Variants in UST observed in about 807,000 individuals in gnomAD.
The protein encoded by UST is chondroitin sulfate 2-O-sulfotransferase.
Under a neutral mutation model 45.6 loss-of-function variants are expected in UST, and 21 were observed. The ratio of observed to expected loss-of-function variants is 0.46; its 90% CI spans 0.33 to 0.66. UST has a LOEUF of 0.66. Ranked by LOEUF, UST falls within the 30% of genes least tolerant of loss-of-function variation. The pLI, the probability that UST is intolerant of heterozygous loss-of-function variation, is 0.02. For synonymous variants in UST, 215 were observed against 200.6 expected (o/e 1.07, Z -0.61); for missense variants, 463 against 512.4 (o/e 0.90, Z 0.93).
intron 5 of UST, among the ~76,000 whole-genome samples, chr6:148,985,905 T>G (rs1781230292): frequency 6.6e-6 from 1 of 152,114 alleles, no homozygotes; most frequent in Non-Finnish European, 1.5e-5. Context: ...AGAGATTTAT[T>G]GGGGGAAATG....
At chr6:148,924,669 C>T (rs1239429811) in intron 2 of UST, among the ~76,000 whole-genome samples, 2 of 152,260 alleles carry the variant, frequency 1.3e-5, no homozygotes, top group East Asian at 3.9e-4. Context: ...TCCCCTAGGC[C>T]GTCACATGTG....
chr6:148,965,097 C>A (rs1205401035), intron 5 of UST, among the ~76,000 whole-genome samples: 1 of 152,136 alleles, frequency 6.6e-6, no homozygotes, highest in Non-Finnish European at 1.5e-5. Flanking sequence ...TGGGTTCTTT[C>A]CACCACAGCG....
intron 3 of UST, among the ~76,000 whole-genome samples, chr6:148,945,298 A>G (rs558971353): frequency 4.6e-5 from 7 of 152,334 alleles, no homozygotes; most frequent in African/African-American, 1.2e-4. Flanking sequence ...TGTAATGACT[A>G]TCAGTGGCTC....
chr6:148,903,278 T>C (rs1779294404), intron 2 of UST, among the ~76,000 whole-genome samples: 1 of 152,190 alleles, frequency 6.6e-6, no homozygotes, highest in Non-Finnish European at 1.5e-5. Context: ...TTAATTATCA[T>C]GTCCCCCACA....
chr6:148,975,034 G>T (rs1011703497), intron 5 of UST, among the ~76,000 whole-genome samples: 29 of 152,144 alleles, frequency 1.9e-4, no homozygotes, highest in Non-Finnish European at 2.5e-4. Context: ...CAACTAAAAA[G>T]GAAACTTTGA....
chr6:148,855,625 T>A (rs779470124), intron 1 of UST, among the ~76,000 whole-genome samples: 5 of 152,236 alleles, frequency 3.3e-5, no homozygotes, highest in Admixed American at 6.5e-5. Flanking sequence ...GGGATGAGTT[T>A]CTGGAAGTGG....
intron 7 of UST, among the ~76,000 whole-genome samples, chr6:149,059,340 G>A (rs530867300): frequency 1.4e-4 from 22 of 152,316 alleles, no homozygotes; most frequent in Non-Finnish European, 2.6e-4. Context: ...GGGCCCTTCC[G>A]GTGATTTGTT....
At chr6:149,023,007 T>C (rs1776000137) in intron 7 of UST, among the ~76,000 whole-genome samples, 1 of 152,154 alleles carries the variant, frequency 6.6e-6, no homozygotes, top group South Asian at 2.1e-4. Context: ...ACTCCGTTCT[T>C]TGTGCAAGGA....
intron 5 of UST, among the ~76,000 whole-genome samples, chr6:149,012,530 A>G (rs1366715217): frequency 6.6e-6 from 1 of 152,174 alleles, no homozygotes; most frequent in Non-Finnish European, 1.5e-5. Context: ...GTCCTTTTCC[A>G]TAATATCCAT....
At chr6:148,831,731 G>A (rs888566629) in intron 1 of UST, among the ~76,000 whole-genome samples, 1 of 152,110 alleles carries the variant, frequency 6.6e-6, no homozygotes, top group African/African-American at 2.4e-5. Flanking sequence ...GGAGTTTAAG[G>A]CTGCAGAGAG....
intron 2 of UST, 39 bp downstream of exon 2, chr6:148,887,068 T>G (rs745733903): frequency 6.5e-7 from 1 of 1,536,216 alleles, no homozygotes; most frequent in Non-Finnish European, 9.0e-7. Context: ...CCTTTTTCTT[T>G]TATCTTACTT....
chr6:148,805,630 A>G (rs923131320), intron 1 of UST, among the ~76,000 whole-genome samples: 8 of 152,228 alleles, frequency 5.3e-5, no homozygotes, highest in African/African-American at 1.9e-4. Context: ...AAGGCTATTC[A>G]CATTTGGAGA....
At chr6:148,975,919 G>T (rs577775485) in intron 5 of UST, among the ~76,000 whole-genome samples, 1 of 152,268 alleles carries the variant, frequency 6.6e-6, no homozygotes, top group South Asian at 2.1e-4. Flanking sequence ...AATCACAAAA[G>T]AAATGAATTT....
chr6:148,761,943 A>G (rs1042724657), intron 1 of UST, among the ~76,000 whole-genome samples: 3 of 152,222 alleles, frequency 2.0e-5, no homozygotes, highest in African/African-American at 7.2e-5. Context: ...TGGAGAAACG[A>G]TTCCAGAAAA....
rs374894823 is a variant in UST at position 149,038,128 on chromosome 6, T to C, written c.937+16647T>C. ...GTGGCAATTTGCATTTGGATAGCGC[T>C]TTTACAGTTAGCAAAGTACCTTAGA... On this transcript the variant is annotated intron_variant, in intron 7 of 7. Coordinates refer to ENST00000367463, the MANE Select transcript of UST (RefSeq NM_005715.3). 8.4e-4 allele frequency among the ~76,000 whole-genome samples: 128 copies of C among 152,184 alleles called. 3 individuals are homozygous for C. The South Asian group carries it at 0.026, about 30-fold the overall frequency.
intron 1 of UST, among the ~76,000 whole-genome samples, chr6:148,879,347 G>A (rs576411457): frequency 3.9e-4 from 59 of 152,352 alleles, no homozygotes; most frequent in Non-Finnish European, 7.1e-4. Context: ...AGTGGCCTGA[G>A]ATGAAGATGA....
Position 149,075,978 on chromosome 6 carries a change from T to G in UST, c.*1862T>G, listed in dbSNP as rs1776883494. The G allele has an allele frequency of 6.6e-6, 1 of 152,616 alleles. No homozygotes were observed. Among genetic ancestry groups the G allele is most frequent in the Non-Finnish European group, 1.5e-5 (1 of 68,054 alleles). 9.5% of individuals were successfully genotyped at this position (152,616 alleles called of 1,614,324 possible). A position where few individuals can be genotyped will look rare whatever the true frequency, so the allele number is the denominator to read the frequency against. ...CCTGCCGAGTGAGCACTGAAGCTAC[T>G]TTATCATGAGATGTGTGTTAAGAAG... On this transcript the variant is annotated 3_prime_UTR_variant, in exon 8 of 8. Coordinates refer to ENST00000367463, the MANE Select transcript of UST (RefSeq NM_005715.3).
chr6:148,792,557 G>C (rs1381245746), intron 1 of UST, among the ~76,000 whole-genome samples: 1 of 152,164 alleles, frequency 6.6e-6, no homozygotes, highest in Non-Finnish European at 1.5e-5. Flanking sequence ...CCTTTTTGCT[G>C]TCAGCTTGTG....
intron 7 of UST, among the ~76,000 whole-genome samples, chr6:149,063,824 G>C (rs1377664539): frequency 6.6e-6 from 1 of 152,154 alleles, no homozygotes; most frequent in African/African-American, 2.4e-5. Flanking sequence ...CTTTTGTCCT[G>C]ATCACTCAGT....
Sources: gnomAD v4.1 joint callset for allele counts (sites outside exome capture counted in the v4.1 genomes callset) on GRCh38, gnomAD v4.1.1 for gene constraint, MANE v1.5 for transcripts, NCBI Gene and HGNC (gene_info 2026-07-23, HGNC 2026-07-21) for gene names.